Variants in GLCE observed in about 807,000 individuals in gnomAD.
GLCE encodes D-glucuronyl C5-epimerase.
Under a neutral mutation model 47.9 loss-of-function variants are expected in GLCE, and 19 were observed. The ratio of observed to expected loss-of-function variants is 0.40; its 90% confidence interval spans 0.28 to 0.58. GLCE has a LOEUF of 0.58. GLCE is among the 20% of genes least tolerant of loss of function. The pLI is 0.48. For synonymous variants in GLCE, 245 were observed against 263.4 expected (o/e 0.93, Z 0.68); for missense variants, 556 against 743.3 (o/e 0.75, Z 2.93).
At chr15:69,260,146 A>C (rs1344123784) in intron 3 of GLCE, among the ~76,000 whole-genome samples, 2 of 152,166 alleles carry the variant, frequency 1.3e-5, no homozygotes, top group Non-Finnish European at 2.9e-5. Context: ...TATACAAACT[A>C]AATTCATGTT....
At position 69,245,358 on chromosome 15, in the gene GLCE, A is replaced by G. The variant is rs944669409; in HGVS notation, c.-13-10436A>G. ...AAAAAAAAAAAAAAAAAAAAAGTACATACCTTAATTTAAAAATACTTCATT... is the reference window on the plus strand; with the variant it reads ...AAAAAAAAAAAAAAAAAAAAAGTACGTACCTTAATTTAAAAATACTTCATT... On this transcript the variant is annotated intron_variant, in intron 2 of 4. Transcript: ENST00000261858. 9.3e-5 allele frequency among the ~76,000 whole-genome samples: 14 copies of G among 150,548 alleles called. No individual in the cohort carries two copies. In the East Asian group the frequency reaches 1.7e-3, roughly 19 times the overall value.
intron 2 of GLCE, among the ~76,000 whole-genome samples, chr15:69,215,827 TG>T (rs1283655903): frequency 6.6e-6 from 1 of 152,174 alleles, no homozygotes; most frequent in African/African-American, 2.4e-5. Context: ...GTTTTTCTAA[TG>T]ACTCATAATG....
At chr15:69,200,372 G>A (rs1181880897) in intron 1 of GLCE, among the ~76,000 whole-genome samples, 3 of 152,182 alleles carry the variant, frequency 2.0e-5, no homozygotes, top group Admixed American at 2.0e-4. Context: ...ACACATTTCA[G>A]TTTGGGTCCT....
At chr15:69,185,735 G>C (rs544864935) in intron 1 of GLCE, among the ~76,000 whole-genome samples, 6 of 152,134 alleles carry the variant, frequency 3.9e-5, no homozygotes, top group Non-Finnish European at 7.4e-5. Context: ...TACACACCAA[G>C]CAGTGCACAT....
At chr15:69,166,933 A>G (rs1187038307) in intron 1 of GLCE, among the ~76,000 whole-genome samples, 5 of 111,954 alleles carry the variant, frequency 4.5e-5, no homozygotes, top group Admixed American at 3.0e-4. Flanking sequence ...AAAAAAAAAA[A>G]GGCCGGGTGC....
Position 69,201,232 on chromosome 15 carries a change from G to A in GLCE, c.-104-9084G>A, listed in dbSNP as rs191654424. Among the ~76,000 whole-genome samples the A allele has an allele frequency of 1.1e-3, 164 of 152,172 alleles. 1 individual carries two copies. Among genetic ancestry groups the A allele is most frequent in the African/African-American group, 3.5e-3 (144 of 41,536 alleles). On this transcript the variant is annotated intron_variant, in intron 1 of 4. Coordinates refer to ENST00000261858, the MANE Select transcript of GLCE (RefSeq NM_015554.3). ...ACTGCAAGTCCCTTTTGCCATGTAA[G>A]GTAACTTAGGTTCCAGTGCTTAAGG...
intron 1 of GLCE, among the ~76,000 whole-genome samples, chr15:69,190,982 C>T (rs543110206): frequency 6.6e-6 from 1 of 152,242 alleles, no homozygotes; most frequent in East Asian, 1.9e-4. Flanking sequence ...CTTTAACTTA[C>T]ACCGTGTTCC....
chr15:69,182,246 C>A (rs2051758940), intron 1 of GLCE, among the ~76,000 whole-genome samples: 3 of 150,782 alleles, frequency 2.0e-5, no homozygotes, highest in Admixed American at 1.3e-4. Flanking sequence ...TAAAGAGAAA[C>A]CAATTTATCA....
chr15:69,206,618 G>A (rs1288877567), intron 1 of GLCE, among the ~76,000 whole-genome samples: 2 of 151,678 alleles, frequency 1.3e-5, no homozygotes, highest in Non-Finnish European at 2.9e-5. Context: ...TTCCAGTGTT[G>A]GTCCCTGTAT....
chr15:69,235,203 G>T (rs1371544018), intron 2 of GLCE, among the ~76,000 whole-genome samples: 1 of 137,836 alleles, frequency 7.3e-6, no homozygotes, highest in Non-Finnish European at 1.5e-5. Context: ...TGCCTCCTGG[G>T]TTCAAGCGAT....
intron 1 of GLCE, among the ~76,000 whole-genome samples, chr15:69,170,858 G>A (rs983126914): frequency 2.0e-5 from 3 of 152,128 alleles, no homozygotes; most frequent in African/African-American, 7.2e-5. Context: ...TGATTCTGTA[G>A]TACTGTTCCA....
At chr15:69,225,698 T>C (rs1192703574) in intron 2 of GLCE, among the ~76,000 whole-genome samples, 1 of 152,206 alleles carries the variant, frequency 6.6e-6, no homozygotes. Flanking sequence ...AGTGCTGATA[T>C]TTCCTAACAT....
chr15:69,241,527 C>CT (rs1243930271), intron 2 of GLCE, among the ~76,000 whole-genome samples: 1 of 152,200 alleles, frequency 6.6e-6, no homozygotes, highest in African/African-American at 2.4e-5. Flanking sequence ...GGAGCACAAA[C>CT]TAATTATTCT....
At chr15:69,210,534 A>G (rs1427696748) in intron 2 of GLCE, 128 bp downstream of exon 2, 1 of 152,122 alleles carries the variant, frequency 6.6e-6, no homozygotes, top group African/African-American at 2.4e-5. Context: ...AATACTATGC[A>G]TTTTTAGACT....
At chr15:69,197,268 C>A in intron 1 of GLCE, 1 of 352,784 alleles carries the variant, frequency 2.8e-6, no homozygotes, top group Non-Finnish European at 5.7e-6. Flanking sequence ...ACCACTTCTT[C>A]AAGCATCTCA....
intron 1 of GLCE, among the ~76,000 whole-genome samples, chr15:69,203,163 T>G (rs1274846086): frequency 6.6e-6 from 1 of 152,100 alleles, no homozygotes; most frequent in African/African-American, 2.4e-5. Flanking sequence ...CCTGTTGGGT[T>G]TAGTTCATAT....
intron 1 of GLCE, among the ~76,000 whole-genome samples, chr15:69,184,817 G>A (rs369843798): frequency 1.8e-4 from 28 of 152,266 alleles, no homozygotes; most frequent in African/African-American, 6.5e-4. Context: ...TCATACAGTG[G>A]GTACCAGGAA....
At chr15:69,240,315 A>C (rs2052651869) in intron 2 of GLCE, among the ~76,000 whole-genome samples, 1 of 76,304 alleles carries the variant, frequency 1.3e-5, no homozygotes, top group Non-Finnish European at 3.2e-5. Flanking sequence ...AAAAAAGAAA[A>C]GAAATATTGA....
At chr15:69,250,752 C>G (rs986485916) in intron 2 of GLCE, among the ~76,000 whole-genome samples, 4 of 150,224 alleles carry the variant, frequency 2.7e-5, no homozygotes, top group African/African-American at 7.4e-5. Context: ...CTCAAGTGAT[C>G]CTACCCCAGT....
Sources: allele counts gnomAD v4.1 joint callset (sites outside exome capture counted in the v4.1 genomes callset), GRCh38; gene constraint gnomAD v4.1.1; transcripts MANE v1.5; gene names NCBI Gene and HGNC (gene_info 2026-07-23, HGNC 2026-07-21).